DLG3: variants seen among roughly 807,000 people sequenced by gnomAD.
The protein encoded by DLG3 is discs large MAGUK scaffold protein 3.
Under a neutral mutation model 64.1 loss-of-function variants are expected in DLG3, and 1 was observed. The observed-to-expected ratio is 0.02, with a 90% CI of 0.01 to 0.07. The LOEUF (loss-of-function observed/expected upper bound fraction) is 0.07. DLG3 is among the 10% of genes least tolerant of loss of function. The probability of loss-of-function intolerance (pLI) is 1.00; values close to 1 mark genes in which losing one functional copy is unlikely to be tolerated. For synonymous variants in DLG3, 245 were observed against 259.8 expected (o/e 0.94, Z 0.55); for missense variants, 429 against 669.5 (o/e 0.64, Z 3.96).
intron 9 of DLG3, among the ~76,000 whole-genome samples, chrX:70,459,441 T>G (rs1027596864): frequency 7.1e-5 from 8 of 112,344 alleles, no homozygotes; most frequent in African/African-American, 2.6e-4. Flanking sequence ...GAATGAAGGA[T>G]GTAAATGTAA....
chrX:70,464,214 C>CCTTTCT (rs2086850168), intron 9 of DLG3, among the ~76,000 whole-genome samples: 1 of 101,467 alleles, frequency 9.9e-6, no homozygotes, highest in East Asian at 3.0e-4. Context: ...CCTTTCCTTT[C>CCTTTCT]CTTTCCTTTC....
At chrX:70,459,305 T>C in intron 9 of DLG3, among the ~76,000 whole-genome samples, 1 of 112,815 alleles carries the variant, frequency 8.9e-6, no homozygotes. Flanking sequence ...AGCATACTTT[T>C]ACCATGGAAA....
At chrX:70,451,439 G>A (rs964578884) in intron 6 of DLG3, among the ~76,000 whole-genome samples, 6 of 111,521 alleles carry the variant, frequency 5.4e-5, no homozygotes, top group African/African-American at 2.0e-4. Flanking sequence ...CCTTAGACAA[G>A]TCCCTTTCAC....
intron 7 of DLG3, chrX:70,452,650 C>G (rs1452806514): frequency 8.4e-7 from 1 of 1,196,838 alleles, no homozygotes. Flanking sequence ...TTCTCGGGCT[C>G]CGGCTTGGCC....
At chrX:70,458,231 T>C in intron 9 of DLG3, among the ~76,000 whole-genome samples, 1 of 111,021 alleles carries the variant, frequency 9.0e-6, no homozygotes, top group South Asian at 3.8e-4. Flanking sequence ...AGGCTGGTCT[T>C]GAACTCCTGA....
chrX:70,499,694 GGAGATT>G lies in DLG3; in HGVS notation c.1973-181_1973-176del. ...GCAAATAGCCCCCTGTGTGAGACCT[GGAGATT>G]GGAAGAGAAGTAGGCCAGACAAACC... On this transcript the variant is annotated intron_variant, in intron 15 of 18. Coordinates refer to ENST00000374360, the MANE Select transcript of DLG3 (RefSeq NM_021120.4). Among the ~76,000 whole-genome samples, 3 of 111,238 alleles carry G rather than the reference GGAGATT, an allele frequency of 2.7e-5. No individual in the cohort carries two copies. In the East Asian group the frequency reaches 8.5e-4, roughly 31 times the overall value.
At chrX:70,479,845 G>A (rs2087122221) in intron 10 of DLG3, among the ~76,000 whole-genome samples, 2 of 111,272 alleles carry the variant, frequency 1.8e-5, no homozygotes. Flanking sequence ...GGGGGTGGAG[G>A]GAACAGATAG....
rs2087376763 is a variant in DLG3, at chrX:70,492,554, T to C, written c.1731T>C (p.Thr577=). ...AGAAAGAAAGAGCTCGATTGAAAACTGTGAAGTTCCATGCCAGGACGGGGA... is the reference window on the plus strand; with the variant it reads ...AGAAAGAAAGAGCTCGATTGAAAACCGTGAAGTTCCATGCCAGGACGGGGA... The part of the protein sequence containing the change: ...VEKKERARLK[T]VKFHARTGMI... Residue 577 remains threonine (T), a synonymous_variant, in exon 12 of 19, where the codon ACT becomes ACC. Transcript: ENST00000374360. The C allele has an allele frequency of 8.3e-7, 1 of 1,209,837 alleles. No individual in the cohort carries two copies. Among genetic ancestry groups the C allele is most frequent in the Non-Finnish European group, 1.1e-6 (1 of 895,170 alleles).
At chrX:70,449,009 G>C in intron 2 of DLG3, 46 bp downstream of exon 2, 1 of 1,174,318 alleles carries the variant, frequency 8.5e-7, no homozygotes. Flanking sequence ...GAGAGGGTTG[G>C]AGCCAGGATA....
intron 10 of DLG3, among the ~76,000 whole-genome samples, chrX:70,484,155 T>A (rs2087213792): frequency 8.9e-6 from 1 of 111,865 alleles, no homozygotes; most frequent in Non-Finnish European, 1.9e-5. Context: ...AGAGTACAGT[T>A]GTAGAAATAG....
intron 12 of DLG3, 48 bp from the exon 13 acceptor site, chrX:70,495,360 C>A (rs199826501): frequency 8.6e-7 from 1 of 1,156,633 alleles, no homozygotes; most frequent in Non-Finnish European, 1.2e-6. Context: ...CCCTTCCCCC[C>A]TCTTCTCCCC....
At chrX:70,486,464 G>A (rs1207882414) in intron 10 of DLG3, among the ~76,000 whole-genome samples, 1 of 111,230 alleles carries the variant, frequency 9.0e-6, no homozygotes, top group Non-Finnish European at 1.9e-5. Context: ...AAGTACAGAA[G>A]GAATATGAGT....
intron 15 of DLG3, among the ~76,000 whole-genome samples, 166 bp from the exon 16 acceptor site, chrX:70,499,711 T>A (rs2087520790): frequency 9.0e-6 from 1 of 110,547 alleles, no homozygotes; most frequent in Non-Finnish European, 1.9e-5. Flanking sequence ...GGAAGAGAAG[T>A]AGGCCAGACA....
At chrX:70,475,386 C>A (rs775994504) in intron 9 of DLG3, among the ~76,000 whole-genome samples, 39 of 111,372 alleles carry the variant, frequency 3.5e-4, no homozygotes, top group Admixed American at 5.7e-4. Context: ...GAGACAGAGT[C>A]TTGCTCTGTC....
At chrX:70,496,403 G>A (rs1240751852) in intron 13 of DLG3, among the ~76,000 whole-genome samples, 2 of 112,306 alleles carry the variant, frequency 1.8e-5, no homozygotes, top group African/African-American at 6.5e-5. Flanking sequence ...ATCTTCATTC[G>A]CGTGTCATCT....
At chrX:70,447,095 G>A (rs1330667853) in intron 1 of DLG3, among the ~76,000 whole-genome samples, 1 of 110,857 alleles carries the variant, frequency 9.0e-6, no homozygotes, top group Non-Finnish European at 1.9e-5. Context: ...TGTCCTGCCC[G>A]GCTGGGAGAC....
chrX:70,492,343 G>A (rs1452954598), intron 11 of DLG3, 60 bp downstream of exon 11: 2 of 1,187,180 alleles, frequency 1.7e-6, no homozygotes, highest in Non-Finnish European at 2.3e-6. Context: ...TTTCTTTCTT[G>A]TTTTCCTATT....
At chrX:70,476,123 G>C (rs771310161) in intron 9 of DLG3, among the ~76,000 whole-genome samples, 50 of 111,580 alleles carry the variant, frequency 4.5e-4, no homozygotes, top group Non-Finnish European at 8.3e-4. Flanking sequence ...ACCCTTCTTC[G>C]GTACTGACTT....
At chrX:70,454,159 C>T in intron 8 of DLG3, 55 bp from the exon 9 acceptor site, 2 of 1,094,970 alleles carry the variant, frequency 1.8e-6, no homozygotes, top group Admixed American at 2.2e-5. Context: ...ACTGCTAATG[C>T]AGAGGACCCT....
Sources: gnomAD v4.1 joint callset for allele counts (sites outside exome capture counted in the v4.1 genomes callset) on GRCh38, gnomAD v4.1.1 for gene constraint, MANE v1.5 for transcripts, NCBI Gene and HGNC (gene_info 2026-07-23, HGNC 2026-07-21) for gene names.